The following MPHOSPH9 variants were observed in gnomAD, a reference collection of about 807,000 sequenced individuals.
The protein encoded by MPHOSPH9 is M-phase phosphoprotein 9.
In MPHOSPH9, 88 loss-of-function variants were observed where a neutral mutation model predicts 145.5. That is an observed-to-expected ratio of 0.60 (90% CI 0.51 to 0.72). MPHOSPH9 has a LOEUF of 0.72. Ranked by LOEUF, MPHOSPH9 falls within the 30% of genes least tolerant of loss-of-function variation. MPHOSPH9 has a pLI of 0.00. For missense variants in MPHOSPH9, 1,238 were observed against 1,386.6 expected (o/e 0.89, Z 1.70); for synonymous variants, 435 against 486.2 (o/e 0.89, Z 1.39).
chr12:123,176,596 G>T, intron 16 of MPHOSPH9, 92 bp downstream of exon 16: 1 of 930,152 alleles, frequency 1.1e-6, no homozygotes, highest in South Asian at 1.6e-5. Context: ...ATTTAACCCG[G>T]ACTTTCTTAT....
intron 4 of MPHOSPH9, 86 bp downstream of exon 4, chr12:123,222,952 G>A (rs1294908088): frequency 6.6e-5 from 47 of 716,082 alleles, no homozygotes; most frequent in South Asian, 1.7e-4. Flanking sequence ...ATGTGTGTGT[G>A]TATATATATA....
chr12:123,175,623 GCATGGACCACCTCC>G (rs2044817618), intron 16 of MPHOSPH9, among the ~76,000 whole-genome samples: 2 of 151,908 alleles, frequency 1.3e-5, no homozygotes, highest in East Asian at 3.9e-4. Context: ...CAATTTCTCT[GCATGGACCACCTCC>G]CAGACACCCC....
At chr12:123,193,656 ACC>A (rs2045807605) in intron 13 of MPHOSPH9, among the ~76,000 whole-genome samples, 2 of 152,102 alleles carry the variant, frequency 1.3e-5, no homozygotes, top group South Asian at 4.1e-4. Context: ...AAAATAAGCA[ACC>A]TGAAACCTAA....
chr12:123,184,409 G>A (rs775295591), intron 13 of MPHOSPH9, among the ~76,000 whole-genome samples: 7 of 151,866 alleles, frequency 4.6e-5, no homozygotes, highest in Admixed American at 2.6e-4. Context: ...CTCTACAATC[G>A]CCTGAAAATG....
At chr12:123,175,509 A>T (rs1442446091) in intron 16 of MPHOSPH9, among the ~76,000 whole-genome samples, 1 of 152,104 alleles carries the variant, frequency 6.6e-6, no homozygotes, top group Non-Finnish European at 1.5e-5. Context: ...CTCTGATTTC[A>T]TCTAGGGCAA....
At chr12:123,216,997 AAAT>A (rs1170543170) in intron 6 of MPHOSPH9, among the ~76,000 whole-genome samples, 47 of 28,968 alleles carry the variant, frequency 1.6e-3, no homozygotes, top group Middle Eastern at 0.019. Flanking sequence ...TCAAAAAAAT[AAAT>A]AAATAAATAA....
At chr12:123,219,150 C>CTG (rs2047093068) in intron 5 of MPHOSPH9, among the ~76,000 whole-genome samples, 1 of 151,938 alleles carries the variant, frequency 6.6e-6, no homozygotes, top group African/African-American at 2.4e-5. Flanking sequence ...AGTGATCCAC[C>CTG]TGTCTCAGCC....
intron 17 of MPHOSPH9, 94 bp from the exon 18 acceptor site, chr12:123,165,571 A>C: frequency 2.7e-6 from 3 of 1,128,286 alleles, no homozygotes; most frequent in Non-Finnish European, 3.8e-6. Context: ...TGAAGCCCTA[A>C]TCTTCAATGT....
At position 123,216,529 on chromosome 12, in the gene MPHOSPH9, T is replaced by G. The variant is rs1045564002; in HGVS notation, c.997-1695A>C. 2.0e-5 allele frequency among the ~76,000 whole-genome samples: 3 copies of G among 152,246 alleles called. No individual in the cohort carries two copies. In the South Asian group the frequency reaches 6.2e-4, roughly 32 times the overall value. On this transcript the variant is annotated intron_variant, in intron 6 of 23. Transcript: ENST00000606320. ...AAACAATGCTATTCTGTGACAAATTTAGAGCAATAAGGGCTATACAGGCAT... is the reference window on the plus strand; with the variant it reads ...AAACAATGCTATTCTGTGACAAATTGAGAGCAATAAGGGCTATACAGGCAT...
chr12:123,203,507 T>C, intron 8 of MPHOSPH9, 132 bp from the exon 9 acceptor site: 1 of 822,302 alleles, frequency 1.2e-6, no homozygotes, highest in Non-Finnish European at 1.8e-6. Context: ...AGATTTGTAA[T>C]ACAAGCTTGG....
intron 8 of MPHOSPH9, among the ~76,000 whole-genome samples, chr12:123,207,863 A>G (rs1297785974): frequency 3.7e-5 from 2 of 54,312 alleles, no homozygotes; most frequent in Admixed American, 3.9e-4. Context: ...AAAGAAAAAA[A>G]AAAAAGAAAA....
chr12:123,228,717 T>C (rs2047525819), intron 2 of MPHOSPH9, among the ~76,000 whole-genome samples: 1 of 152,136 alleles, frequency 6.6e-6, no homozygotes, highest in Non-Finnish European at 1.5e-5. Flanking sequence ...GAATATATGT[T>C]ATCAGTAAAG....
chr12:123,160,684 A>G lies in MPHOSPH9; in HGVS notation c.3450+97T>C, dbSNP rs546247545. On this transcript the variant is annotated intron_variant, in intron 23 of 23. Coordinates refer to ENST00000606320, the MANE Select transcript of MPHOSPH9 (RefSeq NM_022782.4). ...TTTGACTGCTGCTTCAGTGTGTCTA[A>G]TTTTCACTGTGCCATGATTTTTTAA... 190 of 1,163,138 alleles carry G rather than the reference A, an allele frequency of 1.6e-4. 2 individuals carry two copies. The South Asian group carries it at 2.5e-3, about 15-fold the overall frequency. The allele number at this position is 1,163,138 out of a possible 1,614,324, so 72.1% of individuals were successfully genotyped here. A position where few individuals can be genotyped will look rare whatever the true frequency, so the allele number is the denominator to read the frequency against.
intron 16 of MPHOSPH9, among the ~76,000 whole-genome samples, chr12:123,170,465 AG>A (rs1395683642): frequency 6.6e-6 from 1 of 151,924 alleles, no homozygotes; most frequent in Admixed American, 6.6e-5. Context: ...TATTTTTTGT[AG>A]AGACAGGGTT....
intron 12 of MPHOSPH9, among the ~76,000 whole-genome samples, chr12:123,197,105 T>C (rs544877947): frequency 7.2e-6 from 1 of 138,536 alleles, no homozygotes; most frequent in Admixed American, 8.1e-5. Context: ...TGCCCAACTC[T>C]AAATATACTA....
chr12:123,162,401 A>G, intron 20 of MPHOSPH9, 183 bp from the exon 21 acceptor site: 1 of 384,150 alleles, frequency 2.6e-6, no homozygotes, highest in Non-Finnish European at 4.6e-6. Context: ...TTGTATTTAC[A>G]AACTAAAGAC....
Position 123,223,104 on chromosome 12 carries a change from A to G in MPHOSPH9, c.282T>C (p.Asn94=), listed in dbSNP as rs952596065. 81 of 1,472,390 alleles carry G rather than the reference A, an allele frequency of 5.5e-5. No homozygotes were observed. Among genetic ancestry groups the G allele is most frequent in the Non-Finnish European group, 6.6e-5 (74 of 1,120,850 alleles). 91.2% of individuals were successfully genotyped at this position (1,472,390 alleles called of 1,614,324 possible). ...GTTCTTGGCATTGTTTTTCCACCAA[A>G]TTGAATAGCTGTAACCACCTGGTCT... The part of the protein sequence containing the change: ...NCETRWLQLF[N]LVEKQCQEQI... Residue 94 remains asparagine (N), a synonymous_variant, in exon 4 of 24, where the codon AAT becomes AAC. Coordinates refer to ENST00000606320, the MANE Select transcript of MPHOSPH9 (RefSeq NM_022782.4).
At chr12:123,239,604 G>T (rs1367470182) in intron 1 of MPHOSPH9, among the ~76,000 whole-genome samples, 1 of 151,880 alleles carries the variant, frequency 6.6e-6, no homozygotes, top group Admixed American at 6.6e-5. Context: ...GGGTTTCACC[G>T]TGTTAGCCAG....
In MPHOSPH9 at chr12:123,159,464, T is replaced by C. The variant is rs2044014430; in HGVS notation, c.3450+1317A>G. ...AGGCATAAGCCATTGCGCCTGGCCA[T>C]GGCAGGTTTTTTTTTGTTTTTTTTG... is the stretch of plus-strand genomic sequence containing the variant. On this transcript the variant is annotated intron_variant, in intron 23 of 23. Coordinates refer to ENST00000606320, the MANE Select transcript of MPHOSPH9 (RefSeq NM_022782.4). The surrounding 1 kb of genome is among the most constrained non-coding windows in gnomAD (Gnocchi z 4.3). 6.6e-6 allele frequency among the ~76,000 whole-genome samples: 1 copy of C among 152,128 alleles called. No homozygotes were observed. The highest frequency in any genetic ancestry group is 1.5e-5 in the Non-Finnish European group (1 of 68,024).
Sources: allele counts gnomAD v4.1 joint callset (sites outside exome capture counted in the v4.1 genomes callset), GRCh38; gene constraint gnomAD v4.1.1; non-coding constraint Gnocchi (gnomAD v3.1); transcripts MANE v1.5; gene names NCBI Gene and HGNC (gene_info 2026-07-23, HGNC 2026-07-21).